CHLSN: variants seen among roughly 807,000 people sequenced by gnomAD.
CHLSN encodes protein cholesin.
the CHLSN span, chr7:988,600 G>T: frequency 6.2e-7 from 1 of 1,602,904 alleles, no homozygotes. Context: ...AGCAGGCCTG[G>T]TGCAGCCCAC....
At chr7:1,099,642 T>C in the CHLSN span, among the ~76,000 whole-genome samples, 6 of 152,362 alleles carry the variant, frequency 3.9e-5, no homozygotes, top group South Asian at 1.2e-3. Flanking sequence ...CTGAACTGAC[T>C]GAGTCTCTCT....
chr7:988,770 C>G, the CHLSN span: 2 of 1,597,964 alleles, frequency 1.3e-6, no homozygotes, highest in South Asian at 1.1e-5. Context: ...CCCGCCCGGG[C>G]TTTTACCATG....
the CHLSN span, among the ~76,000 whole-genome samples, chr7:1,038,332 C>T: frequency 1.0e-5 from 1 of 98,028 alleles, no homozygotes; most frequent in Non-Finnish European, 2.3e-5. Context: ...CCCGGCCAGC[C>T]ACCCCGTCCG....
the CHLSN span, among the ~76,000 whole-genome samples, chr7:1,076,904 G>A: frequency 6.6e-6 from 1 of 152,236 alleles, no homozygotes; most frequent in Admixed American, 6.5e-5. Flanking sequence ...CAGGCTTACG[G>A]GGTGGTCAGC....
At chr7:984,810 C>A in the CHLSN span, 1 of 1,283,090 alleles carries the variant, frequency 7.8e-7, no homozygotes, top group Non-Finnish European at 1.1e-6. Flanking sequence ...AGGGCCAGCC[C>A]AGGGGGACGG....
the CHLSN span, among the ~76,000 whole-genome samples, chr7:1,002,298 TGGG>T: frequency 9.6e-6 from 1 of 104,032 alleles, no homozygotes; most frequent in African/African-American, 3.9e-5. Context: ...ATCCTGTGGG[TGGG>T]GAGTCCTGTG....
chr7:998,197 G>A, the CHLSN span, among the ~76,000 whole-genome samples: 2 of 152,230 alleles, frequency 1.3e-5, no homozygotes, highest in Non-Finnish European at 2.9e-5. Flanking sequence ...GGGCGGCAGT[G>A]GCCAGGTGGC....
the CHLSN span, among the ~76,000 whole-genome samples, chr7:980,068 G>A: frequency 4.6e-5 from 7 of 152,224 alleles, no homozygotes; most frequent in African/African-American, 9.7e-5. Flanking sequence ...GGAGGGAGAA[G>A]CGCAGTGTTA....
the CHLSN span, among the ~76,000 whole-genome samples, chr7:1,108,721 G>C: frequency 2.6e-5 from 4 of 152,240 alleles, no homozygotes; most frequent in East Asian, 7.7e-4. Context: ...GAGATCACCC[G>C]GGTTGCCGTG....
At chr7:1,054,685 G>A in the CHLSN span, among the ~76,000 whole-genome samples, 6 of 152,298 alleles carry the variant, frequency 3.9e-5, no homozygotes, top group African/African-American at 9.6e-5. Flanking sequence ...GGAGGGGTGC[G>A]GCGGGCAAGA....
At chr7:987,109 G>A in the CHLSN span, 2 of 1,546,160 alleles carry the variant, frequency 1.3e-6, no homozygotes, top group South Asian at 1.2e-5. Flanking sequence ...CTCTGCAGGG[G>A]GATGACCCCG....
At chr7:1,116,635 A>G in the CHLSN span, among the ~76,000 whole-genome samples, 74 of 38,794 alleles carry the variant, frequency 1.9e-3, no homozygotes, top group Non-Finnish European at 2.1e-3. Flanking sequence ...TGACATCACT[A>G]CAGTTCTACG....
At chr7:987,292 A>G in the CHLSN span, 1 of 1,509,870 alleles carries the variant, frequency 6.6e-7, no homozygotes, top group Non-Finnish European at 8.9e-7. Flanking sequence ...CCCCCGGGGG[A>G]CCCCCAGGGA....
chr7:1,053,839 A>C, the CHLSN span, among the ~76,000 whole-genome samples: 2 of 152,118 alleles, frequency 1.3e-5, no homozygotes, highest in African/African-American at 2.4e-5. Flanking sequence ...AAAAACAAAA[A>C]CAAAACCAAA....
chr7:1,085,551 C>T, the CHLSN span, among the ~76,000 whole-genome samples: 2 of 152,070 alleles, frequency 1.3e-5, no homozygotes, highest in Non-Finnish European at 2.9e-5. Context: ...CACCGCACAG[C>T]GCCCAGCATG....
chr7:1,011,977 T>A, the CHLSN span, among the ~76,000 whole-genome samples: 1 of 152,110 alleles, frequency 6.6e-6, no homozygotes, highest in East Asian at 1.9e-4. Flanking sequence ...ATGGTGGGGA[T>A]GTGGACACCC....
the CHLSN span, among the ~76,000 whole-genome samples, chr7:978,383 G>A: frequency 1.3e-5 from 2 of 151,910 alleles, no homozygotes; most frequent in Non-Finnish European, 2.9e-5. Context: ...CCAGGTGTAG[G>A]GGCGCACACC....
chr7:1,060,979 G>T, the CHLSN span, among the ~76,000 whole-genome samples: 2 of 152,122 alleles, frequency 1.3e-5, no homozygotes, highest in Non-Finnish European at 2.9e-5. Context: ...GGGTGTCCGT[G>T]CTTGAACCAG....
chr7:1,070,707 T>C, the CHLSN span, among the ~76,000 whole-genome samples: 2 of 121,082 alleles, frequency 1.7e-5, no homozygotes, highest in African/African-American at 6.3e-5. Context: ...CGCGAGCACA[T>C]GAACACGCAC....
Sources: allele counts gnomAD v4.1 joint callset (sites outside exome capture counted in the v4.1 genomes callset), GRCh38; gene constraint gnomAD v4.1.1; transcripts MANE v1.5; gene names NCBI Gene and HGNC (gene_info 2026-07-23, HGNC 2026-07-21).